NAV1: variants seen among roughly 807,000 people sequenced by gnomAD.
NAV1 encodes neuron navigator 1, also known as pore membrane and/or filament interacting like protein 3.
A neutral mutation model predicts 175.2 loss-of-function variants in NAV1; 18 were observed. That is an observed-to-expected ratio of 0.10 (90% CI 0.07 to 0.15). The LOEUF (loss-of-function observed/expected upper bound fraction) is 0.15, where lower values mean the gene tolerates loss of function less well. Ranked by LOEUF, NAV1 falls within the 10% of genes least tolerant of loss-of-function variation. NAV1 has a pLI of 1.00. For missense variants in NAV1, 1,731 were observed against 2,436.6 expected (o/e 0.71, Z 6.10); for synonymous variants, 897 against 978.7 (o/e 0.92, Z 1.56).
At chr1:201,621,339 T>C (rs181373510), upstream of NAV1, among the ~76,000 whole-genome samples, 171 of 145,050 alleles carry the variant, frequency 1.2e-3, 1 homozygote, top group Middle Eastern at 0.014. Flanking sequence ...TTTCTTTTTT[T>C]TTTTTTTTTT....
At chr1:201,692,552 TC>T (rs1264581897) in intron 1 of NAV1, among the ~76,000 whole-genome samples, 1 of 152,260 alleles carries the variant, frequency 6.6e-6, no homozygotes, top group Non-Finnish European at 1.5e-5. Flanking sequence ...GTTCCTGGTC[TC>T]CATTAAAAGC....
At chr1:201,773,835 T>A (rs528080676) in intron 3 of NAV1, among the ~76,000 whole-genome samples, 1 of 152,332 alleles carries the variant, frequency 6.6e-6, no homozygotes, top group Non-Finnish European at 1.5e-5. Flanking sequence ...CCTTGAAATA[T>A]CCGTTGACAA....
At chr1:201,775,985 A>C (rs1029684087) in intron 3 of NAV1, among the ~76,000 whole-genome samples, 53 of 152,186 alleles carry the variant, frequency 3.5e-4, no homozygotes, top group African/African-American at 1.2e-3. Flanking sequence ...TGAGCCCAGG[A>C]GTTTGAGGCT....
At chr1:201,590,908 T>C (rs1244011804) in intron 2 of NAV1, among the ~76,000 whole-genome samples, 1 of 152,212 alleles carries the variant, frequency 6.6e-6, no homozygotes, top group Non-Finnish European at 1.5e-5. Flanking sequence ...GACAGTGAGA[T>C]GTCTTTCTAA....
At chr1:201,768,942 G>GA (rs1205329908) in intron 3 of NAV1, among the ~76,000 whole-genome samples, 2 of 152,124 alleles carry the variant, frequency 1.3e-5, no homozygotes, top group Non-Finnish European at 2.9e-5. Flanking sequence ...CAAATATTAG[G>GA]AATGCATTCT....
At chr1:201,604,192 C>T (rs563684266) in intron 2 of NAV1, among the ~76,000 whole-genome samples, 2 of 152,156 alleles carry the variant, frequency 1.3e-5, no homozygotes, top group Non-Finnish European at 2.9e-5. Flanking sequence ...GTAGCTGTGA[C>T]TAAAGGCATG....
At chr1:201,730,901 A>G (rs974291502) in intron 3 of NAV1, among the ~76,000 whole-genome samples, 2 of 152,228 alleles carry the variant, frequency 1.3e-5, no homozygotes, top group African/African-American at 2.4e-5. Context: ...AAAGGCCAGC[A>G]GGCCAGGCAG....
intron 1 of NAV1, among the ~76,000 whole-genome samples, chr1:201,680,053 A>G (rs1670402329): frequency 6.6e-6 from 1 of 152,222 alleles, no homozygotes; most frequent in African/African-American, 2.4e-5. Flanking sequence ...TTATAAAGAA[A>G]ACAGGCATAT....
chr1:201,798,121 C>T (rs7551784), intron 15 of NAV1: 78,978 of 152,046 alleles, frequency 0.52, 23,002 homozygotes, highest in East Asian at 0.65. Flanking sequence ...GCCTCTAATA[C>T]GAGAATCATC....
chr1:201,605,762 G>T (rs553620280), intron 2 of NAV1, among the ~76,000 whole-genome samples: 2 of 152,308 alleles, frequency 1.3e-5, no homozygotes, highest in East Asian at 3.9e-4. Context: ...GGCCATGCCT[G>T]GCCAGCTGCA....
intron 1 of NAV1, among the ~76,000 whole-genome samples, chr1:201,706,432 C>T (rs1391474562): frequency 1.3e-5 from 2 of 152,062 alleles, no homozygotes; most frequent in African/African-American, 2.4e-5. Flanking sequence ...GTGTTTCATC[C>T]CCAGCCCACA....
intron 15 of NAV1, chr1:201,798,191 C>A (rs1181265359): frequency 6.6e-6 from 1 of 152,198 alleles, no homozygotes; most frequent in Non-Finnish European, 1.5e-5. Context: ...ACGTAGATCT[C>A]AATTCTATCC....
At chr1:201,739,007 C>G (rs1456078863) in intron 3 of NAV1, among the ~76,000 whole-genome samples, 2 of 152,152 alleles carry the variant, frequency 1.3e-5, no homozygotes, top group Non-Finnish European at 2.9e-5. Flanking sequence ...TAATTCCCCC[C>G]ACAGGGCTCC....
At chr1:201,704,717 C>A (rs988533268) in intron 1 of NAV1, among the ~76,000 whole-genome samples, 1 of 152,238 alleles carries the variant, frequency 6.6e-6, no homozygotes, top group Non-Finnish European at 1.5e-5. Context: ...AAAGATGAGG[C>A]CCCATCTCCA....
At position 201,810,327 on chromosome 1, in the gene NAV1, C is replaced by T. The variant is rs1298727295; in HGVS notation, c.4562-196C>T. On this transcript the variant is annotated intron_variant, in intron 23 of 29. Coordinates refer to ENST00000367296, the Ensembl canonical transcript of NAV1. The surrounding 1 kb of genome is among the most constrained non-coding windows in gnomAD (Gnocchi z 6.0). ...TGGCTTCTTGCTTCACTCCTCACCC[C>T]CAGCTCACAGCATGTCCCTAAAAAG... is the stretch of plus-strand genomic sequence containing the variant. Among the ~76,000 whole-genome samples, 2 of 152,096 alleles carry T rather than the reference C, an allele frequency of 1.3e-5. No individual in the cohort carries two copies. The highest frequency in any genetic ancestry group is 3.8e-4 in the East Asian group (2 of 5,196).
intron 1 of NAV1, among the ~76,000 whole-genome samples, chr1:201,661,973 C>G (rs1669629820): frequency 6.6e-6 from 1 of 152,260 alleles, no homozygotes; most frequent in Admixed American, 6.5e-5. Flanking sequence ...AGGTACTACT[C>G]TTATCCCCTT....
chr1:201,684,533 G>T (rs1477149777), intron 1 of NAV1, among the ~76,000 whole-genome samples: 3 of 142,240 alleles, frequency 2.1e-5, no homozygotes, highest in Non-Finnish European at 4.5e-5. Flanking sequence ...GGAGTGCAAT[G>T]GCTTGATCTC....
intron 28 of NAV1, among the ~76,000 whole-genome samples, chr1:201,816,504 A>G (rs1371686095): frequency 6.6e-6 from 1 of 152,160 alleles, no homozygotes; most frequent in African/African-American, 2.4e-5. Context: ...AAAAATGAAT[A>G]AAATAAATTG....
In NAV1 at chr1:201,810,251, G is replaced by A. The variant is rs1678604899; in HGVS notation, c.4561+146G>A. The A allele has an allele frequency of 8.2e-7, 1 of 1,223,938 alleles. No homozygotes were observed. The highest frequency in any genetic ancestry group is 1.5e-5 in the South Asian group (1 of 65,258). 75.8% of individuals were successfully genotyped at this position (1,223,938 alleles called of 1,614,324 possible). ...TAAGTAATGTGAGATATAAAAAGAT[G>A]AGTAAGACCCAGTCCTAACTTTGGC... On this transcript the variant is annotated intron_variant, in intron 23 of 29. Transcript: ENST00000367296. The surrounding 1 kb of genome is among the most constrained non-coding windows in gnomAD (Gnocchi z 6.0).
Sources: allele counts gnomAD v4.1 joint callset (sites outside exome capture counted in the v4.1 genomes callset), GRCh38; gene constraint gnomAD v4.1.1; non-coding constraint Gnocchi (gnomAD v3.1); transcripts MANE v1.5; gene names NCBI Gene and HGNC (gene_info 2026-07-23, HGNC 2026-07-21).